ACSL5: variants seen among roughly 807,000 people sequenced by gnomAD.
The protein encoded by ACSL5 is long-chain-fatty-acid--CoA ligase 5.
Under a neutral mutation model 84.9 loss-of-function variants are expected in ACSL5, and 50 were observed. The ratio of observed to expected loss-of-function variants is 0.59; its 90% CI spans 0.47 to 0.75. The LOEUF is 0.75. ACSL5 is among the 30% of genes least tolerant of loss of function. The probability of loss-of-function intolerance (pLI) is 0.00; values close to 1 mark genes in which losing one functional copy is unlikely to be tolerated. For missense variants in ACSL5, 775 were observed against 830.4 expected (o/e 0.93, Z 0.82); for synonymous variants, 280 against 300.7 (o/e 0.93, Z 0.71).
intron 1 of ACSL5, among the ~76,000 whole-genome samples, chr10:112,379,434 G>A (rs1480313792): frequency 1.3e-5 from 2 of 148,942 alleles, no homozygotes; most frequent in African/African-American, 4.9e-5. Flanking sequence ...AAAAAGAGAT[G>A]AGGGCTTGTT....
intron 1 of ACSL5, among the ~76,000 whole-genome samples, chr10:112,377,565 AC>A (rs143066967): frequency 0.011 from 1,616 of 152,300 alleles, 32 homozygotes; most frequent in African/African-American, 0.036. Context: ...AAATAAAAAA[AC>A]ATTGAAAACT....
At chr10:112,409,728 A>G (rs757444869) in intron 7 of ACSL5, 43 bp downstream of exon 7, 4 of 1,598,460 alleles carry the variant, frequency 2.5e-6, no homozygotes, top group Non-Finnish European at 3.4e-6. Flanking sequence ...TGCTTGTCCA[A>G]CACCTTGGGC....
Position 112,427,281 on chromosome 10 carries a change from T to C in ACSL5, c.1975T>C (p.Leu659=), listed in dbSNP as rs748692354. 2.6e-5 allele frequency: 42 copies of C among 1,613,784 alleles called. No homozygotes were observed. Among genetic ancestry groups the C allele is most frequent in the East Asian group, 2.2e-5 (1 of 44,868 alleles). ...SIENGLLTPT[L]KAKRGELSKY... Reference sequence around the variant, plus strand: ...TGAAAATGGGCTCTTGACACCAACATTGAAAGCAAAGCGAGGAGAGCTTTC... The same window carrying C: ...TGAAAATGGGCTCTTGACACCAACACTGAAAGCAAAGCGAGGAGAGCTTTC... The change falls in exon 21 of 21, where the codon TTG becomes CTG. Residue 659 remains leucine (L), a synonymous_variant. Transcript: ENST00000354655.
chr10:112,387,784 A>G (rs1288122515), intron 1 of ACSL5, among the ~76,000 whole-genome samples: 2 of 152,210 alleles, frequency 1.3e-5, no homozygotes, highest in African/African-American at 4.8e-5. Context: ...ATGAGCCCAT[A>G]CATGCAAAAG....
chr10:112,416,209 C>T (rs550676661), intron 12 of ACSL5, among the ~76,000 whole-genome samples: 117 of 152,192 alleles, frequency 7.7e-4, no homozygotes, highest in African/African-American at 2.6e-3. Flanking sequence ...TGGTGGCTCA[C>T]GCCTGTAATC....
rs147956544 is a variant in ACSL5 at position 112,427,318 on chromosome 10, G to A, written c.2012G>A (p.Arg671Gln). 30 of 1,613,390 alleles carry A rather than the reference G, an allele frequency of 1.9e-5. No individual in the cohort carries two copies. The East Asian group carries it at 4.2e-4, about 23-fold the overall frequency. The stretch of plus-strand genomic sequence containing the variant: ...CGAGGAGAGCTTTCCAAATACTTTC[G>A]GACCCAAATTGACAGCCTGTATGAG... ...AKRGELSKYF[R>Q]TQIDSLYEHI... The change falls in exon 21 of 21, where the codon CGG becomes CAG. Residue 671 changes from arginine (R) to glutamine (Q), a missense_variant. Coordinates refer to ENST00000354655, the MANE Select transcript of ACSL5 (RefSeq NM_203379.2).
intron 1 of ACSL5, among the ~76,000 whole-genome samples, chr10:112,387,543 T>C (rs1371606096): frequency 1.3e-5 from 2 of 152,204 alleles, no homozygotes; most frequent in African/African-American, 2.4e-5. Flanking sequence ...GAAAAATGAT[T>C]TTAGAAGCTG....
chr10:112,376,972 A>G lies in ACSL5; in HGVS notation c.-30+2703A>G, dbSNP rs542053363. ...AGGTGAATCTCAAAGACCCTCAGGGAGTAAGCACTGGAAAGGGACTCTACC... is the reference window on the plus strand; with the variant it reads ...AGGTGAATCTCAAAGACCCTCAGGGGGTAAGCACTGGAAAGGGACTCTACC... On this transcript the variant is annotated intron_variant, in intron 1 of 20. Transcript: ENST00000354655. 2.6e-5 allele frequency among the ~76,000 whole-genome samples: 4 copies of G among 151,360 alleles called. No individual in the cohort carries two copies. The East Asian group carries it at 7.9e-4, about 30-fold the overall frequency.
intron 5 of ACSL5, 164 bp from the exon 6 acceptor site, chr10:112,408,258 C>T (rs1208789029): frequency 1.9e-6 from 1 of 528,576 alleles, no homozygotes; most frequent in Non-Finnish European, 3.4e-6. Flanking sequence ...ATGATCACAC[C>T]ACTGCACTCC....
At chr10:112,413,434 A>C (rs1844234193) in intron 12 of ACSL5, 127 bp downstream of exon 12, 2 of 1,214,826 alleles carry the variant, frequency 1.6e-6, no homozygotes, top group East Asian at 2.4e-5. Context: ...CCGTGTGTAA[A>C]TACAATCCCC....
intron 1 of ACSL5, among the ~76,000 whole-genome samples, chr10:112,374,940 A>G (rs1236285607): frequency 6.6e-6 from 1 of 152,156 alleles, no homozygotes; most frequent in Non-Finnish European, 1.5e-5. Context: ...ACCCCCTGAA[A>G]TCCTGAGGGT....
At chr10:112,404,131 G>A (rs905718985) in intron 3 of ACSL5, among the ~76,000 whole-genome samples, 7 of 152,196 alleles carry the variant, frequency 4.6e-5, no homozygotes, top group African/African-American at 1.7e-4. Flanking sequence ...AGTTTTTATT[G>A]TAGGGAAGTT....
chr10:112,390,056 C>A (rs1296152699), intron 1 of ACSL5, among the ~76,000 whole-genome samples: 1 of 151,178 alleles, frequency 6.6e-6, no homozygotes, highest in Non-Finnish European at 1.5e-5. Context: ...TAGTGAGACA[C>A]CATATCTAAA....
rs763696420 is a variant in ACSL5 at position 112,416,943 on chromosome 10, C to A, written c.1139C>A (p.Ser380Tyr). 1.2e-6 allele frequency: 2 copies of A among 1,613,998 alleles called. No homozygotes were observed. The highest frequency in any genetic ancestry group is 3.3e-5 in the Admixed American group (2 of 60,008). Residue 380 changes from serine to tyrosine, a missense_variant, in exon 13 of 21, where the codon TCC becomes TAC. Transcript: ENST00000354655. ...LKKFLLKLAVSSKFKELQKGI... is the reference protein window; with the variant it reads ...LKKFLLKLAVYSKFKELQKGI... ...AAGTTCTTGTTGAAGCTGGCTGTTT[C>A]CAGTAAATTCAAAGAGCTTCAAAAG... is the stretch of plus-strand genomic sequence containing the variant.
At chr10:112,398,677 T>C (rs1478934477) in intron 2 of ACSL5, among the ~76,000 whole-genome samples, 1 of 152,206 alleles carries the variant, frequency 6.6e-6, no homozygotes, top group African/African-American at 2.4e-5. Context: ...AGTGCTGGGA[T>C]TACAGGCGTG....
intron 6 of ACSL5, 41 bp downstream of exon 6, chr10:112,408,562 A>G (rs889589884): frequency 2.0e-5 from 26 of 1,302,508 alleles, no homozygotes; most frequent in African/African-American, 4.4e-5. Flanking sequence ...TTCTTTCTCA[A>G]TGCTGAGTAT....
intron 1 of ACSL5, among the ~76,000 whole-genome samples, chr10:112,378,838 C>A (rs1277116612): frequency 2.0e-5 from 3 of 152,196 alleles, no homozygotes; most frequent in Non-Finnish European, 4.4e-5. Context: ...TGGCGCAGGG[C>A]CTGACACTTC....
intron 1 of ACSL5, among the ~76,000 whole-genome samples, chr10:112,384,968 C>A (rs1849421719): frequency 6.6e-6 from 1 of 152,186 alleles, no homozygotes; most frequent in African/African-American, 2.4e-5. Context: ...TCATTACCTA[C>A]AGATCGACTT....
chr10:112,395,331 A>G (rs1239731900), intron 2 of ACSL5, among the ~76,000 whole-genome samples: 1 of 152,242 alleles, frequency 6.6e-6, no homozygotes, highest in Non-Finnish European at 1.5e-5. Context: ...GTTGGCAAAC[A>G]TAGCCATGAA....
Sources: gnomAD v4.1 joint callset for allele counts (sites outside exome capture counted in the v4.1 genomes callset) on GRCh38, gnomAD v4.1.1 for gene constraint, MANE v1.5 for transcripts, NCBI Gene and HGNC (gene_info 2026-07-23, HGNC 2026-07-21) for gene names.